Variants in FGF14 observed in about 807,000 individuals in gnomAD.
FGF14 encodes fibroblast growth factor 14.
Under a neutral mutation model 25.5 loss-of-function variants are expected in FGF14, and 5 were observed. The ratio of observed to expected loss-of-function variants is 0.20; its 90% CI spans 0.10 to 0.41. The LOEUF (loss-of-function observed/expected upper bound fraction) is 0.41, where lower values mean the gene tolerates loss of function less well. FGF14 is among the 10% of genes least tolerant of loss of function. The pLI is 1.00. For synonymous variants in FGF14, 138 were observed against 118.3 expected, an observed-to-expected ratio of 1.17 and a Z score of -1.08; for missense variants, 222 against 320.1, an observed-to-expected ratio of 0.69 and a Z score of 2.34.
At chr13:101,988,757 A>G (rs2038734094) in intron 1 of FGF14, among the ~76,000 whole-genome samples, 1 of 151,738 alleles carries the variant, frequency 6.6e-6, no homozygotes, top group Non-Finnish European at 1.5e-5. Context: ...ACCTAATGTT[A>G]ATGATGAGTT....
At chr13:102,201,373 C>A (rs1157333919) in intron 1 of FGF14, among the ~76,000 whole-genome samples, 2 of 151,826 alleles carry the variant, frequency 1.3e-5, no homozygotes, top group Non-Finnish European at 2.9e-5. Flanking sequence ...GTAGAGTTCA[C>A]AGGAAAAGAG....
rs56105727 is a variant in FGF14, at chr13:102,347,999, T to C, written c.208+53472A>G. On this transcript the variant is annotated intron_variant, in intron 1 of 4. Coordinates refer to the FGF14 transcript ENST00000376131. The stretch of plus-strand genomic sequence containing the variant: ...ATGCATACGACCCTAAGTAAGATTT[T>C]CTGGGTAAAAAAAAAAAAAAAGCAA... Among the ~76,000 whole-genome samples the C allele has an allele frequency of 5.7e-3, 864 of 151,386 alleles. 3 individuals carry two copies. The highest frequency in any genetic ancestry group is 9.2e-3 in the Non-Finnish European group (623 of 67,864).
intron 1 of FGF14, among the ~76,000 whole-genome samples, chr13:101,935,287 T>C (rs1239563858): frequency 6.6e-6 from 1 of 152,198 alleles, no homozygotes; most frequent in Non-Finnish European, 1.5e-5. Context: ...GAATCCACTG[T>C]TGAGTCCTCA....
At chr13:102,285,775 T>C (rs2054066138) in intron 1 of FGF14, among the ~76,000 whole-genome samples, 2 of 152,236 alleles carry the variant, frequency 1.3e-5, no homozygotes, top group African/African-American at 4.8e-5. Flanking sequence ...GGTATTATTT[T>C]TATTCCCATT....
intron 1 of FGF14, among the ~76,000 whole-genome samples, chr13:102,043,163 G>C (rs545635971): frequency 6.6e-6 from 1 of 152,050 alleles, no homozygotes; most frequent in Non-Finnish European, 1.5e-5. Context: ...CCATTCATAC[G>C]CATATAATCC....
rs867210060 is a variant in FGF14 at position 101,826,723 on chromosome 13, T to G, written c.408+42002A>C. Among the ~76,000 whole-genome samples, 3 of 152,068 alleles carry G rather than the reference T, an allele frequency of 2.0e-5. 1 individual carries two copies. The highest frequency in any genetic ancestry group is 7.2e-5 in the African/African-American group (3 of 41,444). On this transcript the variant is annotated intron_variant, in intron 3 of 4. Coordinates refer to ENST00000376143, the MANE Select transcript of FGF14 (RefSeq NM_004115.4). Reference sequence around the variant, plus strand: ...TGGATAATTGATATCACTAAAAATTTTAAATTACTCTAAATTTAGCTTACA... The same window carrying G: ...TGGATAATTGATATCACTAAAAATTGTAAATTACTCTAAATTTAGCTTACA...
chr13:101,956,744 A>G (rs2036534098), intron 1 of FGF14, among the ~76,000 whole-genome samples: 1 of 146,994 alleles, frequency 6.8e-6, no homozygotes, highest in Non-Finnish European at 1.5e-5. Flanking sequence ...AAAGCTCCCT[A>G]TCTTCAGATA....
intron 1 of FGF14, among the ~76,000 whole-genome samples, chr13:101,906,327 T>G (rs1274117156): frequency 1.3e-5 from 2 of 152,066 alleles, no homozygotes; most frequent in Non-Finnish European, 2.9e-5. Context: ...GCAGAAAGAT[T>G]AATAGGGTTA....
intron 1 of FGF14, among the ~76,000 whole-genome samples, chr13:102,231,414 A>G (rs896589517): frequency 6.6e-6 from 1 of 152,178 alleles, no homozygotes; most frequent in Non-Finnish European, 1.5e-5. Context: ...GGCTACAAGA[A>G]TAGGCTAGAA....
At chr13:102,175,171 A>G (rs75705442) in intron 1 of FGF14, among the ~76,000 whole-genome samples, 3,460 of 152,264 alleles carry the variant, frequency 0.023, 118 homozygotes, top group African/African-American at 0.072. Flanking sequence ...AAACTGGAGC[A>G]TCACATTATG....
intron 2 of FGF14, among the ~76,000 whole-genome samples, chr13:101,871,953 T>C (rs1472794984): frequency 6.6e-6 from 1 of 152,064 alleles, no homozygotes; most frequent in Non-Finnish European, 1.5e-5. Context: ...TGGAAACCCT[T>C]GGAGAACAGG....
intron 3 of FGF14, among the ~76,000 whole-genome samples, chr13:101,752,399 C>G (rs1302720791): frequency 6.6e-6 from 1 of 152,078 alleles, no homozygotes; most frequent in Non-Finnish European, 1.5e-5. Flanking sequence ...AAATTTTAAT[C>G]AGTTGCATAA....
intron 1 of FGF14, among the ~76,000 whole-genome samples, chr13:102,068,708 C>T (rs998434565): frequency 1.3e-5 from 2 of 152,214 alleles, no homozygotes; most frequent in African/African-American, 2.4e-5. Context: ...GCTGCCTTCC[C>T]GCGGGGCAGG....
intron 1 of FGF14, among the ~76,000 whole-genome samples, chr13:102,059,486 G>T (rs991182462): frequency 6.6e-6 from 1 of 152,188 alleles, no homozygotes; most frequent in Non-Finnish European, 1.5e-5. Flanking sequence ...TCAAAAATAG[G>T]CAAGGACTTA....
At chr13:102,114,286 A>C (rs1355315253) in intron 1 of FGF14, among the ~76,000 whole-genome samples, 2 of 152,058 alleles carry the variant, frequency 1.3e-5, no homozygotes, top group Non-Finnish European at 2.9e-5. Flanking sequence ...AGTTGTAGGA[A>C]TTTCTTATAT....
chr13:102,171,871 C>A (rs1187862353), intron 1 of FGF14, among the ~76,000 whole-genome samples: 1 of 137,464 alleles, frequency 7.3e-6, no homozygotes, highest in Non-Finnish European at 1.5e-5. Context: ...AATAAAAACA[C>A]AAAATCTTTA....
intron 1 of FGF14, among the ~76,000 whole-genome samples, chr13:101,953,854 T>A (rs927914933): frequency 1.2e-4 from 18 of 152,088 alleles, no homozygotes; most frequent in African/African-American, 4.3e-4. Context: ...CCTCTCAAAG[T>A]GCTGGGGTTA....
chr13:101,719,530 T>G lies in FGF14; in HGVS notation c.*3301A>C, dbSNP rs1203493556. ...AGAATTGTCATGTCTTCTCTAATTT[T>G]TCCAAGTAAAGTGGTAGCAAAATGT... On this transcript the variant is annotated 3_prime_UTR_variant, in exon 5 of 5. Coordinates refer to ENST00000376143, the MANE Select transcript of FGF14 (RefSeq NM_004115.4). 1 of 152,118 alleles carries G rather than the reference T, an allele frequency of 6.6e-6. No individual in the cohort carries two copies. 9.4% of individuals were successfully genotyped at this position (152,118 alleles called of 1,614,324 possible).
intron 3 of FGF14, among the ~76,000 whole-genome samples, chr13:101,754,048 C>T (rs550367747): frequency 8.5e-5 from 13 of 152,254 alleles, no homozygotes; most frequent in African/African-American, 3.1e-4. Flanking sequence ...CCTGGAATAG[C>T]CATTTCTTTG....
Sources: gnomAD v4.1 joint callset for allele counts (sites outside exome capture counted in the v4.1 genomes callset) on GRCh38, gnomAD v4.1.1 for gene constraint, MANE v1.5 for transcripts, NCBI Gene and HGNC (gene_info 2026-07-23, HGNC 2026-07-21) for gene names.